The following HAVCR1 variants were observed in gnomAD, a reference collection of about 807,000 sequenced individuals.
The protein encoded by HAVCR1 is hepatitis A virus cellular receptor 1.
In HAVCR1, 34 loss-of-function variants were observed where a neutral mutation model predicts 32.0. The ratio of observed to expected loss-of-function variants is 1.06; its 90% CI spans 0.81 to 1.42. HAVCR1 has a LOEUF of 1.42. HAVCR1 is among the 40% of genes most tolerant of loss of function. The probability of loss-of-function intolerance (pLI) is 0.00; values close to 1 mark genes in which losing one functional copy is unlikely to be tolerated. For missense variants in HAVCR1, 420 were observed against 442.3 expected, an observed-to-expected ratio of 0.95 and a Z score of 0.45; for synonymous variants, 178 against 170.3, an observed-to-expected ratio of 1.05 and a Z score of -0.35.
Position 157,029,700 on chromosome 5 carries a change from T to G in HAVCR1, c.*33A>C. On this transcript the variant is annotated 3_prime_UTR_variant, in exon 9 of 9. Coordinates refer to ENST00000523175, the MANE Select transcript of HAVCR1 (RefSeq NM_001173393.3). ...ATGTCTGTTCAGTCTTCTGCACTCA[T>G]GGGCGTAAACTCTCAAAGAGCACCA... The G allele has an allele frequency of 6.2e-7, 1 of 1,612,484 alleles. No homozygotes were observed. Among genetic ancestry groups the G allele is most frequent in the Non-Finnish European group, 8.5e-7 (1 of 1,179,898 alleles).
chr5:157,057,742 G>C (rs999935639), intron 2 of HAVCR1, among the ~76,000 whole-genome samples, 156 bp downstream of exon 2: 1 of 152,094 alleles, frequency 6.6e-6, no homozygotes, highest in African/African-American at 2.4e-5. Flanking sequence ...CTTTATTCTG[G>C]TCCTGCTCAC....
chr5:157,034,930 T>C (rs867309359), intron 7 of HAVCR1, among the ~76,000 whole-genome samples: 5 of 152,294 alleles, frequency 3.3e-5, no homozygotes, highest in Middle Eastern at 3.4e-3. Flanking sequence ...GAGTTCCTTA[T>C]GTCTTCTTCT....
At chr5:157,044,427 GAAAGAAA>G (rs1561589970) in intron 5 of HAVCR1, among the ~76,000 whole-genome samples, 1 of 27,232 alleles carries the variant, frequency 3.7e-5, no homozygotes, top group African/African-American at 1.7e-4. Context: ...GAAGGAGAAA[GAAAGAAA>G]GAAAGAAAGA....
intron 8 of HAVCR1, among the ~76,000 whole-genome samples, chr5:157,032,285 G>A (rs140023638): frequency 3.3e-5 from 5 of 152,252 alleles, no homozygotes; most frequent in East Asian, 3.9e-4. Context: ...TTGGGAGGCC[G>A]AGGCAGGCAG....
At chr5:157,056,694 GTTTAAT>G (rs1376197074) in intron 2 of HAVCR1, among the ~76,000 whole-genome samples, 3 of 151,878 alleles carry the variant, frequency 2.0e-5, no homozygotes, top group African/African-American at 7.2e-5. Flanking sequence ...AGAAATTCTT[GTTTAAT>G]TTTGCCTAAT....
At chr5:157,036,323 C>A (rs900390940) in intron 7 of HAVCR1, among the ~76,000 whole-genome samples, 3 of 151,998 alleles carry the variant, frequency 2.0e-5, no homozygotes, top group African/African-American at 7.2e-5. Context: ...CTAAAAAATA[C>A]AAAAAATTAG....
the HAVCR1 span, among the ~76,000 whole-genome samples, chr5:157,068,905 C>T: frequency 5.5e-4 from 84 of 152,120 alleles, no homozygotes; most frequent in African/African-American, 1.9e-3. Flanking sequence ...GCCACCACGC[C>T]CCCTAATATT....
the HAVCR1 span, among the ~76,000 whole-genome samples, chr5:157,066,381 T>C: frequency 6.6e-6 from 1 of 151,884 alleles, no homozygotes; most frequent in Non-Finnish European, 1.5e-5. Context: ...CTTGAGTGCC[T>C]ATAGTACCAG....
At chr5:157,042,227 G>A (rs947286469) in intron 6 of HAVCR1, among the ~76,000 whole-genome samples, 3 of 151,820 alleles carry the variant, frequency 2.0e-5, no homozygotes, top group African/African-American at 7.3e-5. Flanking sequence ...CGGATCATGA[G>A]GTCAGGAGAT....
At chr5:157,044,586 GGAAAGAAA>G (rs72157678) in intron 5 of HAVCR1, among the ~76,000 whole-genome samples, 710 of 56,154 alleles carry the variant, frequency 0.013, 34 homozygotes, top group African/African-American at 0.047. Context: ...AAAGAAAGAA[GGAAAGAAA>G]GAAAGAAAGA....
At chr5:157,060,846 C>A (rs1756473546), upstream of HAVCR1, among the ~76,000 whole-genome samples, 1 of 152,096 alleles carries the variant, frequency 6.6e-6, no homozygotes, top group Non-Finnish European at 1.5e-5. Context: ...CAGCCACTAG[C>A]CACATATGAC....
At chr5:157,032,720 T>C (rs923794381) in intron 8 of HAVCR1, 134 bp downstream of exon 8, 84 of 668,392 alleles carry the variant, frequency 1.3e-4, no homozygotes, top group African/African-American at 8.8e-4. Flanking sequence ...GTGTAAATAA[T>C]AGAATTGCTC....
chr5:157,044,690 A>AGGG (rs1340008221), intron 5 of HAVCR1, among the ~76,000 whole-genome samples: 20 of 139,476 alleles, frequency 1.4e-4, no homozygotes, highest in East Asian at 7.1e-4. Flanking sequence ...GGGAGGGAGG[A>AGGG]AGGAAGGAAG....
chr5:157,030,957 A>G (rs2113465798), intron 8 of HAVCR1, among the ~76,000 whole-genome samples: 1 of 151,904 alleles, frequency 6.6e-6, no homozygotes, highest in South Asian at 2.1e-4. Flanking sequence ...GTGTGATATA[A>G]CTGCCGAGAA....
intron 5 of HAVCR1, among the ~76,000 whole-genome samples, chr5:157,044,586 G>GGAAAGAAAGAAAGAAAGAAAGAAAGAAA (rs72157678): frequency 5.5e-4 from 31 of 56,400 alleles, no homozygotes; most frequent in South Asian, 4.7e-3. Flanking sequence ...AAAGAAAGAA[G>GGAAAGAAAGAAAGAAAGAAAGAAAGAAA]GAAAGAAAGA....
chr5:157,047,546 C>G (rs1437223578), intron 5 of HAVCR1, among the ~76,000 whole-genome samples: 1 of 132,522 alleles, frequency 7.5e-6, no homozygotes, highest in Admixed American at 7.7e-5. Flanking sequence ...GAGCAAGACT[C>G]CGTCTCAAAA....
chr5:157,057,378 GAGAGAGAGGAAAGAAAGAAAGAAA>G (rs1756225203), intron 2 of HAVCR1, among the ~76,000 whole-genome samples: 1 of 139,994 alleles, frequency 7.1e-6, no homozygotes, highest in Non-Finnish European at 1.5e-5. Context: ...GAGAGAGAGA[GAGAGAGAGGAAAGAAAGAAAGAAA>G]GAAAGAAAGA....
chr5:157,034,317 G>A (rs925223448), intron 7 of HAVCR1, among the ~76,000 whole-genome samples: 5 of 151,898 alleles, frequency 3.3e-5, no homozygotes, highest in African/African-American at 9.7e-5. Flanking sequence ...GCTGTGCCTC[G>A]ATGTGCACGT....
At chr5:157,063,379 G>C (rs1756532482), upstream of HAVCR1, among the ~76,000 whole-genome samples, 1 of 150,312 alleles carries the variant, frequency 6.7e-6, no homozygotes, top group Non-Finnish European at 1.5e-5. Flanking sequence ...TCTGCCTCCT[G>C]GGTTCAAGCG....
Sources: gnomAD v4.1 joint callset for allele counts (sites outside exome capture counted in the v4.1 genomes callset) on GRCh38, gnomAD v4.1.1 for gene constraint, MANE v1.5 for transcripts, NCBI Gene and HGNC (gene_info 2026-07-23, HGNC 2026-07-21) for gene names.